The following CCDC158 variants were observed in gnomAD, a reference collection of about 807,000 sequenced individuals.
CCDC158 encodes coiled-coil domain containing 158.
Under a neutral mutation model 138.6 loss-of-function variants are expected in CCDC158, and 116 were observed. The observed-to-expected ratio is 0.84, with a 90% confidence interval of 0.72 to 0.98. The LOEUF (loss-of-function observed/expected upper bound fraction) is 0.98, where lower values mean the gene tolerates loss of function less well. CCDC158 is among the 50% of genes least tolerant of loss of function. CCDC158 has a pLI of 0.00. For missense variants in CCDC158, 1,265 were observed against 1,306.1 expected (o/e 0.97, Z 0.48); for synonymous variants, 436 against 442.4 (o/e 0.99, Z 0.18).
chr4:76,414,044 G>T (rs1032247802), intron 1 of CCDC158, among the ~76,000 whole-genome samples: 3 of 152,034 alleles, frequency 2.0e-5, no homozygotes, highest in Admixed American at 1.3e-4. Context: ...AAGTAGCTGG[G>T]ACTACAGCTG....
At chr4:76,313,485 T>C (rs1719083782) in intron 24 of CCDC158, among the ~76,000 whole-genome samples, 1 of 152,174 alleles carries the variant, frequency 6.6e-6, no homozygotes, top group South Asian at 2.1e-4. Context: ...AGACAGGGTC[T>C]CTCTATGTTG....
intron 23 of CCDC158, 90 bp downstream of exon 23, chr4:76,325,767 T>C (rs1720462333): frequency 8.9e-7 from 1 of 1,128,588 alleles, no homozygotes; most frequent in Non-Finnish European, 1.3e-6. Context: ...AAGAGCAGCA[T>C]GCAAAACCTT....
At chr4:76,374,169 A>G (rs1279229661) in intron 9 of CCDC158, among the ~76,000 whole-genome samples, 1 of 152,178 alleles carries the variant, frequency 6.6e-6, no homozygotes, top group Non-Finnish European at 1.5e-5. Context: ...AAAACAAAAA[A>G]GTACTTCTTG....
intron 20 of CCDC158, among the ~76,000 whole-genome samples, chr4:76,331,725 T>C (rs896084828): frequency 1.2e-4 from 19 of 152,036 alleles, no homozygotes; most frequent in Admixed American, 1.0e-3. Flanking sequence ...TAGAGGATAA[T>C]ACAGGAGTGA....
intron 18 of CCDC158, among the ~76,000 whole-genome samples, chr4:76,338,039 C>T (rs1226290285): frequency 6.6e-6 from 1 of 152,218 alleles, no homozygotes; most frequent in Non-Finnish European, 1.5e-5. Flanking sequence ...ACCGTCTGAG[C>T]TCCACCTCCT....
rs1725880418 is a variant in CCDC158 at position 76,378,078 on chromosome 4, C to G, written c.1029+1212G>C. On this transcript the variant is annotated intron_variant, in intron 9 of 24. Coordinates refer to ENST00000682701, the MANE Select transcript of CCDC158 (RefSeq NM_001394954.1). ...TGAGATTATACAGTTTCATGTTACTCTCTATGGCTTAGACTTTAGTAAAGT... is the reference window on the plus strand; with the variant it reads ...TGAGATTATACAGTTTCATGTTACTGTCTATGGCTTAGACTTTAGTAAAGT... Among the ~76,000 whole-genome samples, 4 of 152,282 alleles carry G rather than the reference C, an allele frequency of 2.6e-5. No individual in the cohort carries two copies. The South Asian group carries it at 8.3e-4, about 32-fold the overall frequency.
rs1329423353 is a variant in CCDC158, at chr4:76,331,381, A to G, written c.2905T>C (p.Ser969Pro). 3 of 1,613,852 alleles carry G rather than the reference A, an allele frequency of 1.9e-6. No homozygotes were observed. The highest frequency in any genetic ancestry group is 1.3e-5 in the African/African-American group (1 of 74,926). Residue 969 changes from serine to proline, a missense_variant, in exon 21 of 25, where the codon TCC becomes CCC. Transcript: ENST00000682701. ...CHRSNNSLRD[S>P]TEGSKSSETL... ...TCACTTGATTTGCTTCCTTCAGTGGAGTCCCTCAACGAGTTGTTGCTTCTG... is the reference window on the plus strand; with the variant it reads ...TCACTTGATTTGCTTCCTTCAGTGGGGTCCCTCAACGAGTTGTTGCTTCTG...
chr4:76,340,359 T>C (rs1261258560), intron 18 of CCDC158, among the ~76,000 whole-genome samples: 2 of 152,252 alleles, frequency 1.3e-5, no homozygotes, highest in Non-Finnish European at 2.9e-5. Flanking sequence ...TGGGAAGGAA[T>C]GGATCCGTCA....
intron 12 of CCDC158, among the ~76,000 whole-genome samples, chr4:76,362,827 G>C (rs1724280460): frequency 6.6e-6 from 1 of 152,146 alleles, no homozygotes; most frequent in Non-Finnish European, 1.5e-5. Flanking sequence ...TCCTCCTCTA[G>C]TAAGAAGAGA....
intron 18 of CCDC158, among the ~76,000 whole-genome samples, chr4:76,340,824 C>A (rs941994970): frequency 6.6e-6 from 1 of 152,060 alleles, no homozygotes; most frequent in Non-Finnish European, 1.5e-5. Context: ...TAAATCATCC[C>A]AAAATCACCC....
chr4:76,332,809 A>C (rs1721119362), intron 19 of CCDC158, among the ~76,000 whole-genome samples: 1 of 152,250 alleles, frequency 6.6e-6, no homozygotes, highest in Non-Finnish European at 1.5e-5. Context: ...AATAGCGTCC[A>C]AGCCCATCAT....
intron 15 of CCDC158, among the ~76,000 whole-genome samples, chr4:76,353,957 T>C (rs1723287895): frequency 1.3e-5 from 2 of 152,194 alleles, no homozygotes; most frequent in African/African-American, 4.8e-5. Context: ...TATTTTTTCA[T>C]AGTGAAAAAC....
intron 4 of CCDC158, among the ~76,000 whole-genome samples, chr4:76,385,633 G>A (rs6841196): frequency 0.59 from 89,945 of 151,816 alleles, 27,806 homozygotes; most frequent in East Asian, 0.8. Context: ...AGATTTAACC[G>A]AGGTGAAAAT....
intron 24 of CCDC158, among the ~76,000 whole-genome samples, chr4:76,313,907 A>G (rs923107601): frequency 1.3e-5 from 2 of 152,236 alleles, no homozygotes; most frequent in African/African-American, 4.8e-5. Context: ...ACTGCATAGT[A>G]TTTACTAGTA....
At chr4:76,354,233 C>CAAA (rs749565764) in intron 15 of CCDC158, among the ~76,000 whole-genome samples, 112 of 63,830 alleles carry the variant, frequency 1.8e-3, no homozygotes, top group Middle Eastern at 0.014. Flanking sequence ...TTCCCAAAGG[C>CAAA]AAAAAAAAAA....
At chr4:76,364,119 T>TC (rs1463260111) in intron 12 of CCDC158, among the ~76,000 whole-genome samples, 1 of 152,218 alleles carries the variant, frequency 6.6e-6, no homozygotes, top group Admixed American at 6.5e-5. Flanking sequence ...CAGAGGGCCT[T>TC]CCCCTACAAT....
intron 1 of CCDC158, among the ~76,000 whole-genome samples, chr4:76,412,553 G>A (rs916671425): frequency 9.2e-5 from 14 of 152,144 alleles, no homozygotes; most frequent in African/African-American, 2.7e-4. Context: ...TTGAGGCCAG[G>A]AATTCAAGAC....
At chr4:76,343,218 G>A (rs1342376142) in intron 18 of CCDC158, among the ~76,000 whole-genome samples, 1 of 152,118 alleles carries the variant, frequency 6.6e-6, no homozygotes, top group Non-Finnish European at 1.5e-5. Context: ...TATAAGTCAG[G>A]AATAAGAGAT....
intron 1 of CCDC158, among the ~76,000 whole-genome samples, chr4:76,419,633 G>A (rs548507565): frequency 6.6e-6 from 1 of 151,858 alleles, no homozygotes; most frequent in Non-Finnish European, 1.5e-5. Context: ...TGCCTCTGTG[G>A]TCACATTGCC....
Sources: gnomAD v4.1 joint callset for allele counts (sites outside exome capture counted in the v4.1 genomes callset) on GRCh38, gnomAD v4.1.1 for gene constraint, MANE v1.5 for transcripts, NCBI Gene and HGNC (gene_info 2026-07-23, HGNC 2026-07-21) for gene names.